The following PTPRS variants were observed in gnomAD, a reference collection of about 807,000 sequenced individuals.
PTPRS encodes the protein protein tyrosine phosphatase receptor type S, also known as receptor-type tyrosine-protein phosphatase S.
Under a neutral mutation model 215.3 loss-of-function variants are expected in PTPRS, and 63 were observed. The observed-to-expected ratio is 0.29, with a 90% confidence interval of 0.24 to 0.36. The LOEUF (loss-of-function observed/expected upper bound fraction) is 0.36. Among genes scored for constraint, PTPRS ranks in the 10% least tolerant of loss-of-function variants. The pLI, the probability that PTPRS is intolerant of heterozygous loss-of-function variation, is 1.00. For synonymous variants in PTPRS, 1,404 were observed against 1,191.4 expected, an observed-to-expected ratio of 1.18 and a Z score of -3.68; for missense variants, 2,258 against 2,825.8, an observed-to-expected ratio of 0.80 and a Z score of 4.56.
In PTPRS at chr19:5,273,327, C is replaced by T. The variant is rs767724671; in HGVS notation, c.379+115G>A. On this transcript the variant is annotated intron_variant, in intron 4 of 37. Transcript: ENST00000262963. ...TGGTTGGATAAGGGAGATCAAGGTC[C>T]TCCCAAAAAACACAAAGCAGGAGGG... The T allele has an allele frequency of 4.7e-6, 7 of 1,476,134 alleles. No individual in the cohort carries two copies. The East Asian group carries it at 9.1e-5, about 19-fold the overall frequency. 91.4% of individuals were successfully genotyped at this position (1,476,134 alleles called of 1,614,324 possible).
At chr19:5,330,046 C>T (rs1475964711) in intron 1 of PTPRS, among the ~76,000 whole-genome samples, 4 of 148,266 alleles carry the variant, frequency 2.7e-5, no homozygotes, top group Non-Finnish European at 1.5e-5. Flanking sequence ...CATTGCACTC[C>T]AGCCTGGGTG....
intron 1 of PTPRS, among the ~76,000 whole-genome samples, chr19:5,305,765 A>ATAT (rs1491188046): frequency 0.017 from 1,626 of 93,352 alleles, 27 homozygotes; most frequent in African/African-American, 0.042. Context: ...ATATATATAT[A>ATAT]TTTTTTTTTT....
chr19:5,300,126 A>T (rs2049256442), intron 1 of PTPRS, among the ~76,000 whole-genome samples: 1 of 151,676 alleles, frequency 6.6e-6, no homozygotes, highest in Non-Finnish European at 1.5e-5. Flanking sequence ...CTGTAGCCTT[A>T]GCTACATGGG....
Position 5,286,213 on chromosome 19 carries a change from C to T in PTPRS, c.-73G>A, listed in dbSNP as rs752009860. 1.2e-5 allele frequency: 18 copies of T among 1,547,016 alleles called. No homozygotes were observed. Among genetic ancestry groups the T allele is most frequent in the Admixed American group, 5.6e-5 (3 of 53,626 alleles). ...GGTCCCTCACAGAGAGGCCTCGAGC[C>T]GAGCGTCAGATGGGGCAACGTCTGC... On this transcript the variant is annotated 5_prime_UTR_variant, in exon 2 of 38. Coordinates refer to ENST00000262963, the MANE Select transcript of PTPRS (RefSeq NM_002850.4).
rs1045424770 is a variant in PTPRS at position 5,225,896 on chromosome 19, AC to A, written c.2377-53del. On this transcript the variant is annotated intron_variant, in intron 16 of 37. Transcript: ENST00000262963. ...GACGGCTGGGGCTGGGAGCAGCCCCACCCACCCCCACTCCCCGTGCTGAGAA... is the reference window on the plus strand; with the variant it reads ...GACGGCTGGGGCTGGGAGCAGCCCCACCACCCCCACTCCCCGTGCTGAGAA... 5.9e-6 allele frequency: 8 copies of A among 1,351,498 alleles called. No individual in the cohort carries two copies. In the African/African-American group the frequency reaches 7.6e-5, roughly 13 times the overall value. The allele number at this position is 1,351,498 out of a possible 1,614,324, so 83.7% of individuals were successfully genotyped here. A position where few individuals can be genotyped will look rare whatever the true frequency, so the allele number is the denominator to read the frequency against.
In PTPRS at chr19:5,238,930, G is replaced by A. The variant is rs913402227; in HGVS notation, c.1838C>T (p.Thr613Met). Residue 613 changes from threonine to methionine, a missense_variant, in exon 13 of 38, where the codon ACG (threonine) becomes ATG (methionine). Coordinates refer to ENST00000262963, the MANE Select transcript of PTPRS (RefSeq NM_002850.4). ...GAFTPVVRQRTLQSKPSAPPQ... is the reference protein window; with the variant it reads ...GAFTPVVRQRMLQSKPSAPPQ... ...CGCGAGACACCTACTGGACTGCAGC[G>A]TGCGCTGCCGCACCACGGGGGTGAA... 2 of 1,606,982 alleles carry A rather than the reference G, an allele frequency of 1.2e-6. No individual in the cohort carries two copies. Among genetic ancestry groups the A allele is most frequent in the Non-Finnish European group, 1.7e-6 (2 of 1,177,218 alleles).
intron 16 of PTPRS, among the ~76,000 whole-genome samples, chr19:5,226,085 C>G (rs537919079): frequency 6.6e-6 from 1 of 152,144 alleles, no homozygotes; most frequent in Admixed American, 6.5e-5. Context: ...CTCTCTGCTC[C>G]GCTCCCCTCA....
intron 23 of PTPRS, 81 bp from the exon 24 acceptor site, chr19:5,218,879 C>A: frequency 7.1e-7 from 1 of 1,414,486 alleles, no homozygotes; most frequent in South Asian, 1.3e-5. Flanking sequence ...AGGGCTTGTT[C>A]TGTGACTCTC....
At chr19:5,301,512 C>CA (rs1223979175) in intron 1 of PTPRS, among the ~76,000 whole-genome samples, 3 of 151,992 alleles carry the variant, frequency 2.0e-5, no homozygotes. Context: ...GACAGGGTTT[C>CA]ACCATATTGG....
chr19:5,326,858 G>A (rs1028759623), intron 1 of PTPRS, among the ~76,000 whole-genome samples: 1 of 151,770 alleles, frequency 6.6e-6, no homozygotes, highest in African/African-American at 2.4e-5. Flanking sequence ...AAGGAAGGAA[G>A]GAAGGAAAGA....
Position 5,327,428 on chromosome 19 carries a change from C to G in PTPRS, c.-95+13236G>C, listed in dbSNP as rs10402445. Among the ~76,000 whole-genome samples the G allele has an allele frequency of 1.7e-3, 252 of 152,262 alleles. 1 individual carries two copies. The highest frequency in any genetic ancestry group is 5.8e-3 in the African/African-American group (241 of 41,544). On this transcript the variant is annotated intron_variant, in intron 1 of 37. Transcript: ENST00000262963. ...AAAACTGAGGCCCTGGAGGGTGAAA[C>G]CACTGCCCCAGGGTCACACTGAACA...
At chr19:5,320,578 T>A (rs980399877) in intron 1 of PTPRS, among the ~76,000 whole-genome samples, 1 of 152,118 alleles carries the variant, frequency 6.6e-6, no homozygotes, top group African/African-American at 2.4e-5. Context: ...CACGCCACCA[T>A]GCTGGGCTCT....
In PTPRS at chr19:5,220,011, G is replaced by A. The variant is rs755553697; in HGVS notation, c.3693C>T (p.Phe1231=). The A allele has an allele frequency of 1.2e-5, 20 of 1,613,572 alleles. 1 individual carries two copies. The highest frequency in any genetic ancestry group is 1.1e-4 in the South Asian group (10 of 91,090). The part of the protein sequence containing the change: ...HPGDQKQYGG[F]DNRGLEPGHR... ...GGCCGGGCTCCAGGCCCCGGTTATC[G>A]AAGCCGCCATACTGCTTCTGGTCGC... The change falls in exon 22 of 38, where the codon TTC becomes TTT. Residue 1231 remains phenylalanine, a synonymous_variant. Coordinates refer to ENST00000262963, the MANE Select transcript of PTPRS (RefSeq NM_002850.4).
intron 7 of PTPRS, 65 bp downstream of exon 7, chr19:5,260,740 G>T: frequency 6.3e-7 from 1 of 1,596,170 alleles, no homozygotes; most frequent in Non-Finnish European, 8.6e-7. Context: ...GCCCTGTGGA[G>T]CCTGAGGGGC....
At position 5,234,811 on chromosome 19, in the gene PTPRS, C is replaced by T. The variant is rs117393384; in HGVS notation, c.1850-3196G>A. On this transcript the variant is annotated intron_variant, in intron 13 of 37. Coordinates refer to ENST00000262963, the MANE Select transcript of PTPRS (RefSeq NM_002850.4). Reference sequence around the variant, plus strand: ...GATAGTAGTCACCACATATTAAGCACCTATTGTGTGCCAGGTGCTGTGCTG... The same window carrying T: ...GATAGTAGTCACCACATATTAAGCATCTATTGTGTGCCAGGTGCTGTGCTG... Among the ~76,000 whole-genome samples the T allele has an allele frequency of 3.7e-3, 565 of 152,316 alleles. 1 individual carries two copies. The highest frequency in any genetic ancestry group is 6.1e-3 in the Non-Finnish European group (414 of 68,024).
chr19:5,263,059 G>T (rs539768776), intron 5 of PTPRS, 87 bp from the exon 6 acceptor site: 5 of 626,194 alleles, frequency 8.0e-6, no homozygotes, highest in Non-Finnish European at 1.1e-5. Flanking sequence ...AGCGAGGAGG[G>T]GAGGGCGGGG....
chr19:5,297,984 C>T (rs1453207920), intron 1 of PTPRS, among the ~76,000 whole-genome samples: 1 of 151,870 alleles, frequency 6.6e-6, no homozygotes, highest in East Asian at 1.9e-4. Context: ...TTAGTAGAGA[C>T]AGGGTTTCAC....
intron 25 of PTPRS, among the ~76,000 whole-genome samples, chr19:5,217,250 G>A (rs923894311): frequency 2.0e-5 from 3 of 152,368 alleles, no homozygotes; most frequent in African/African-American, 7.2e-5. Context: ...ACATCAGCTA[G>A]TCCAGAGACA....
rs370699405 is a variant in PTPRS, at chr19:5,215,272, C to T, written c.4318+17G>A. ...CAGTGGGGAAGGGCAGGTTAAGACC[C>T]GGGATCTCCGAACTACCTTCAATGG... On this transcript the variant is annotated intron_variant, in intron 28 of 37. Coordinates refer to ENST00000262963, the MANE Select transcript of PTPRS (RefSeq NM_002850.4). 2.0e-5 allele frequency: 32 copies of T among 1,613,078 alleles called. No homozygotes were observed. Among genetic ancestry groups the T allele is most frequent in the African/African-American group, 4.0e-5 (3 of 75,038 alleles).
Sources: allele counts gnomAD v4.1 joint callset (sites outside exome capture counted in the v4.1 genomes callset), GRCh38; gene constraint gnomAD v4.1.1; transcripts MANE v1.5; gene names NCBI Gene and HGNC (gene_info 2026-07-23, HGNC 2026-07-21).